Variants in NPAS3 observed in about 807,000 individuals in gnomAD.
NPAS3 encodes neuronal PAS domain protein 3.
NPAS3 carries 14 observed loss-of-function variants against 73.1 expected under a neutral mutation model. That is an observed-to-expected ratio of 0.19 (90% CI 0.13 to 0.30). The LOEUF (loss-of-function observed/expected upper bound fraction) is 0.30, where lower values mean the gene tolerates loss of function less well. Among genes scored for constraint, NPAS3 ranks in the 10% least tolerant of loss-of-function variants. The probability of loss-of-function intolerance (pLI) is 1.00; values close to 1 mark genes in which losing one functional copy is unlikely to be tolerated. For missense variants in NPAS3, 1,096 were observed against 1,250.0 expected, an observed-to-expected ratio of 0.88 and a Z score of 1.86; for synonymous variants, 620 against 541.5, an observed-to-expected ratio of 1.14 and a Z score of -2.01.
At chr14:33,356,139 T>A (rs2045327904) in intron 3 of NPAS3, among the ~76,000 whole-genome samples, 1 of 152,222 alleles carries the variant, frequency 6.6e-6, no homozygotes, top group Non-Finnish European at 1.5e-5. Flanking sequence ...TACATTGAAC[T>A]GTGGTTAAAT....
rs547599014 is a variant in NPAS3 at position 33,647,298 on chromosome 14, A to C, written c.559-28913A>C. ...TCTCTCTCTCTCTCTCTCTATATAT[A>C]TATATATATAGCCACATGATGAAGA... On this transcript the variant is annotated intron_variant, in intron 5 of 11. Transcript: ENST00000356141. 7.3e-3 allele frequency among the ~76,000 whole-genome samples: 1,098 copies of C among 151,094 alleles called. 13 individuals carry two copies. Among genetic ancestry groups the C allele is most frequent in the African/African-American group, 0.025 (1,009 of 40,686 alleles).
chr14:32,977,418 G>A (rs1208018009), intron 1 of NPAS3, among the ~76,000 whole-genome samples: 3 of 150,910 alleles, frequency 2.0e-5, no homozygotes, highest in African/African-American at 7.3e-5. Context: ...GTAAATAAAG[G>A]AGAAAAAGCA....
At chr14:33,271,116 A>G (rs1428736331) in intron 3 of NPAS3, among the ~76,000 whole-genome samples, 1 of 152,232 alleles carries the variant, frequency 6.6e-6, no homozygotes, top group Admixed American at 6.5e-5. Flanking sequence ...GGACAGTCAT[A>G]TAGAAATACG....
intron 5 of NPAS3, among the ~76,000 whole-genome samples, chr14:33,636,896 G>A (rs1194926449): frequency 1.5e-5 from 2 of 129,414 alleles, no homozygotes; most frequent in Non-Finnish European, 3.1e-5. Flanking sequence ...GAGGACACTC[G>A]GAGTGTGCAC....
At chr14:33,281,428 C>T (rs144597203) in intron 3 of NPAS3, among the ~76,000 whole-genome samples, 5,448 of 152,116 alleles carry the variant, frequency 0.036, 113 homozygotes, top group Non-Finnish European at 0.054. Context: ...GTCAGGAGTT[C>T]GAGACCAGCC....
intron 1 of NPAS3, among the ~76,000 whole-genome samples, chr14:33,020,608 C>A (rs1353877149): frequency 2.6e-5 from 4 of 152,136 alleles, no homozygotes; most frequent in Non-Finnish European, 5.9e-5. Flanking sequence ...CCTCAAAGTG[C>A]CTCTCAGAAT....
intron 4 of NPAS3, among the ~76,000 whole-genome samples, chr14:33,527,123 CA>C (rs1443706387): frequency 2.6e-5 from 4 of 152,092 alleles, no homozygotes; most frequent in African/African-American, 9.7e-5. Context: ...CAATGGCTAC[CA>C]GTGCTAGACA....
At chr14:33,159,894 G>A (rs148434189) in intron 2 of NPAS3, among the ~76,000 whole-genome samples, 9 of 152,102 alleles carry the variant, frequency 5.9e-5, no homozygotes, top group Middle Eastern at 3.4e-3. Context: ...TATAACACCC[G>A]TAAGAAAAAT....
chr14:33,068,461 G>A (rs2041358026), intron 2 of NPAS3, among the ~76,000 whole-genome samples: 1 of 152,104 alleles, frequency 6.6e-6, no homozygotes. Flanking sequence ...CATTAATTGA[G>A]TACCTTCTAT....
At chr14:33,486,555 C>G (rs2051609710) in intron 4 of NPAS3, among the ~76,000 whole-genome samples, 1 of 152,100 alleles carries the variant, frequency 6.6e-6, no homozygotes, top group Admixed American at 6.5e-5. Flanking sequence ...TAGCTATAAC[C>G]CCTGTTATAC....
chr14:33,365,201 C>CAA (rs371230319), intron 3 of NPAS3, among the ~76,000 whole-genome samples: 11,105 of 44,810 alleles, frequency 0.25, 1,912 homozygotes, highest in Non-Finnish European at 0.3. Context: ...CCCATAATCT[C>CAA]AAAAAAAAAA....
chr14:33,058,982 G>A (rs571296566), intron 2 of NPAS3, among the ~76,000 whole-genome samples: 234 of 152,322 alleles, frequency 1.5e-3, no homozygotes, highest in Admixed American at 2.2e-3. Flanking sequence ...TCATATTCAG[G>A]GATGTGCTAG....
intron 4 of NPAS3, among the ~76,000 whole-genome samples, chr14:33,376,181 C>A (rs926949304): frequency 2.0e-5 from 3 of 151,984 alleles, no homozygotes; most frequent in African/African-American, 7.3e-5. Context: ...GGATGTTAAT[C>A]CTAAGGGGAA....
chr14:33,034,769 C>T (rs565853262), intron 1 of NPAS3, among the ~76,000 whole-genome samples: 3 of 152,022 alleles, frequency 2.0e-5, no homozygotes, highest in African/African-American at 4.8e-5. Flanking sequence ...GAGCACCTAA[C>T]GCAGTGATCT....
intron 4 of NPAS3, among the ~76,000 whole-genome samples, chr14:33,548,425 G>C (rs180954970): frequency 5.7e-4 from 87 of 152,282 alleles, no homozygotes; most frequent in African/African-American, 2.0e-3. Flanking sequence ...ATCGATTCAA[G>C]GTTTCTAGTG....
At chr14:33,122,499 T>C (rs2043267224) in intron 2 of NPAS3, among the ~76,000 whole-genome samples, 1 of 152,078 alleles carries the variant, frequency 6.6e-6, no homozygotes, top group African/African-American at 2.4e-5. Context: ...AATTGATTGA[T>C]ATTTTGCCAA....
intron 5 of NPAS3, among the ~76,000 whole-genome samples, chr14:33,634,218 A>G (rs2058454288): frequency 1.3e-5 from 2 of 152,282 alleles, no homozygotes; most frequent in South Asian, 4.1e-4. Context: ...AATTAAATAC[A>G]TGGTGTTTCT....
intron 4 of NPAS3, among the ~76,000 whole-genome samples, chr14:33,420,752 T>A (rs1028002057): frequency 6.6e-6 from 1 of 151,924 alleles, no homozygotes; most frequent in Non-Finnish European, 1.5e-5. Flanking sequence ...GATGAAACAT[T>A]GTGAATATTC....
chr14:33,262,155 G>A (rs1365258074), intron 3 of NPAS3, among the ~76,000 whole-genome samples: 2 of 152,158 alleles, frequency 1.3e-5, no homozygotes, highest in African/African-American at 2.4e-5. Context: ...GAAAGCAGCA[G>A]GCATGCAACC....
Sources: allele counts gnomAD v4.1 joint callset (sites outside exome capture counted in the v4.1 genomes callset), GRCh38; gene constraint gnomAD v4.1.1; transcripts MANE v1.5; gene names NCBI Gene and HGNC (gene_info 2026-07-23, HGNC 2026-07-21).